BAZ2B: variants seen among roughly 807,000 people sequenced by gnomAD.
BAZ2B encodes the protein bromodomain adjacent to zinc finger domain 2B.
In BAZ2B, 91 loss-of-function variants were observed where a neutral mutation model predicts 246.0. The ratio of observed to expected loss-of-function variants is 0.37; its 90% CI spans 0.31 to 0.44. The LOEUF is 0.44. BAZ2B is among the 20% of genes least tolerant of loss of function. BAZ2B has a pLI of 1.00. For missense variants in BAZ2B, 2,332 were observed against 2,533.7 expected (o/e 0.92, Z 1.71); for synonymous variants, 855 against 860.0 (o/e 0.99, Z 0.10).
At chr2:159,336,602 G>C (rs1003627863) in intron 33 of BAZ2B, among the ~76,000 whole-genome samples, 6 of 152,146 alleles carry the variant, frequency 3.9e-5, no homozygotes, top group African/African-American at 1.4e-4. Flanking sequence ...TAATATAGCA[G>C]GTAATGTTAG....
chr2:159,681,566 A>C, the BAZ2B span, among the ~76,000 whole-genome samples: 1 of 152,344 alleles, frequency 6.6e-6, no homozygotes, highest in African/African-American at 2.4e-5. Flanking sequence ...ACTATATTGA[A>C]GGATAGTTTT....
chr2:159,549,958 G>T (rs2087937792), intron 2 of BAZ2B, among the ~76,000 whole-genome samples: 1 of 151,950 alleles, frequency 6.6e-6, no homozygotes, highest in Admixed American at 6.5e-5. Flanking sequence ...TGAGTAGCTG[G>T]AACTACAGGC....
chr2:159,470,302 G>T (rs905232678), intron 3 of BAZ2B, among the ~76,000 whole-genome samples: 2 of 152,244 alleles, frequency 1.3e-5, no homozygotes, highest in African/African-American at 4.8e-5. Flanking sequence ...CTCAGTAATT[G>T]CCAGGGCAGG....
At chr2:159,355,007 CCT>C (rs913531319) in intron 27 of BAZ2B, among the ~76,000 whole-genome samples, 1 of 152,152 alleles carries the variant, frequency 6.6e-6, no homozygotes, top group African/African-American at 2.4e-5. Context: ...CACTCTGACC[CCT>C]GTTAGTTCAC....
the BAZ2B span, among the ~76,000 whole-genome samples, chr2:159,678,717 G>C: frequency 8.5e-5 from 13 of 152,140 alleles, no homozygotes; most frequent in Non-Finnish European, 1.9e-4. Flanking sequence ...GAGGCAAATA[G>C]TTCTGTAAAC....
chr2:159,528,229 G>C (rs1356833867), intron 2 of BAZ2B, among the ~76,000 whole-genome samples: 1 of 152,078 alleles, frequency 6.6e-6, no homozygotes, highest in Non-Finnish European at 1.5e-5. Context: ...GCAAGACTAG[G>C]GGCAGAGACA....
intron 2 of BAZ2B, among the ~76,000 whole-genome samples, chr2:159,543,789 C>T (rs1341287435): frequency 2.0e-5 from 3 of 152,242 alleles, no homozygotes; most frequent in Non-Finnish European, 4.4e-5. Flanking sequence ...CTACCTTGGC[C>T]TCCCAAAGTG....
chr2:159,333,368 A>T (rs1020571930), intron 33 of BAZ2B, among the ~76,000 whole-genome samples: 45 of 152,178 alleles, frequency 3.0e-4, no homozygotes, highest in African/African-American at 9.9e-4. Flanking sequence ...ATTTTTTTAG[A>T]ATTAAAAATA....
chr2:159,350,936 T>C (rs144222771), intron 27 of BAZ2B, among the ~76,000 whole-genome samples: 5,076 of 150,252 alleles, frequency 0.034, 174 homozygotes, highest in African/African-American at 0.088. Flanking sequence ...AGGGATAACA[T>C]TGGGAGATCT....
intron 2 of BAZ2B, among the ~76,000 whole-genome samples, chr2:159,492,654 A>G (rs1216199251): frequency 2.0e-5 from 3 of 152,252 alleles, no homozygotes. Context: ...AAACAAAAAT[A>G]TGACAAGAAA....
intron 1 of BAZ2B, among the ~76,000 whole-genome samples, chr2:159,566,345 C>T (rs996222821): frequency 6.6e-6 from 1 of 152,158 alleles, no homozygotes; most frequent in African/African-American, 2.4e-5. Flanking sequence ...CAGCAATGTC[C>T]TTCTAAGCTA....
chr2:159,533,528 AG>A (rs1165274028), intron 2 of BAZ2B, among the ~76,000 whole-genome samples: 1 of 152,286 alleles, frequency 6.6e-6, no homozygotes, highest in East Asian at 1.9e-4. Flanking sequence ...ACAAACTTCA[AG>A]TTGTAGAAGC....
chr2:159,460,818 T>G (rs1030212423), intron 3 of BAZ2B: 5 of 152,136 alleles, frequency 3.3e-5, no homozygotes, highest in Non-Finnish European at 5.9e-5. Context: ...GAACTTTGAT[T>G]AAGAACAGAA....
intron 16 of BAZ2B, among the ~76,000 whole-genome samples, chr2:159,403,050 T>C (rs2065335710): frequency 6.6e-6 from 1 of 152,186 alleles, no homozygotes. Flanking sequence ...TCCTGCTTTG[T>C]AATAATGTTT....
chr2:159,493,806 T>C (rs2080770441), intron 2 of BAZ2B, among the ~76,000 whole-genome samples: 1 of 152,236 alleles, frequency 6.6e-6, no homozygotes, highest in African/African-American at 2.4e-5. Context: ...ATTTGCAATA[T>C]TGTAGGTCCA....
At chr2:159,658,274 T>A in the BAZ2B span, among the ~76,000 whole-genome samples, 1 of 152,176 alleles carries the variant, frequency 6.6e-6, no homozygotes, top group Non-Finnish European at 1.5e-5. Flanking sequence ...AAATACCAGT[T>A]GGTCATGGTA....
upstream of BAZ2B, among the ~76,000 whole-genome samples, chr2:159,621,348 T>C (rs1013661702): frequency 1.3e-5 from 2 of 152,188 alleles, no homozygotes; most frequent in African/African-American, 4.8e-5. Context: ...ATTTCTTTTC[T>C]TCTTCAACTC....
intron 1 of BAZ2B, among the ~76,000 whole-genome samples, chr2:159,563,610 C>A (rs2090086088): frequency 6.6e-6 from 1 of 151,900 alleles, no homozygotes; most frequent in African/African-American, 2.4e-5. Flanking sequence ...ATATGTGGTA[C>A]CCAGAATAGT....
At chr2:159,563,494 C>G (rs1168583841) in intron 1 of BAZ2B, among the ~76,000 whole-genome samples, 1 of 151,922 alleles carries the variant, frequency 6.6e-6, no homozygotes, top group Non-Finnish European at 1.5e-5. Context: ...TGAAAAAATG[C>G]CACTTAAAAA....
Sources: gnomAD v4.1 joint callset for allele counts (sites outside exome capture counted in the v4.1 genomes callset) on GRCh38, gnomAD v4.1.1 for gene constraint, MANE v1.5 for transcripts, NCBI Gene and HGNC (gene_info 2026-07-23, HGNC 2026-07-21) for gene names.